SKI: variants seen among roughly 807,000 people sequenced by gnomAD.
SKI encodes the protein SKI proto-oncogene, also known as ski oncogene.
Under a neutral mutation model 59.3 loss-of-function variants are expected in SKI, and 23 were observed. The observed-to-expected ratio is 0.39, with a 90% confidence interval of 0.28 to 0.55. The LOEUF is 0.55. Among genes scored for constraint, SKI ranks in the 20% least tolerant of loss-of-function variants. The pLI, the probability that SKI is intolerant of heterozygous loss-of-function variation, is 0.67. For synonymous variants in SKI, 673 were observed against 488.6 expected (o/e 1.38, Z -4.98); for missense variants, 1,017 against 1,038.9 (o/e 0.98, Z 0.29).
intron 1 of SKI, among the ~76,000 whole-genome samples, chr1:2,252,687 G>A (rs898708026): frequency 2.6e-5 from 4 of 152,148 alleles, no homozygotes; most frequent in Non-Finnish European, 5.9e-5. Context: ...GTCCCCAAAC[G>A]CGTGGTATGG....
intron 1 of SKI, among the ~76,000 whole-genome samples, chr1:2,301,302 G>T (rs1640419019): frequency 6.6e-6 from 1 of 152,216 alleles, no homozygotes. Context: ...GCCACATAGA[G>T]GGGGTATTTT....
chr1:2,249,007 G>C (rs1557819201), intron 1 of SKI, among the ~76,000 whole-genome samples: 1 of 152,270 alleles, frequency 6.6e-6, no homozygotes, highest in Non-Finnish European at 1.5e-5. Context: ...AGCCAGCCTG[G>C]TGGTCAGCTG....
Position 2,267,461 on chromosome 1 carries a change from G to A in SKI, c.970-35517G>A, listed in dbSNP as rs1383678330. On this transcript the variant is annotated intron_variant, in intron 1 of 6. Coordinates refer to ENST00000378536, the MANE Select transcript of SKI (RefSeq NM_003036.4). The surrounding 1 kb of genome is among the most constrained non-coding windows in gnomAD (Gnocchi z 4.1). ...CCCACGTCCTCTCGTGTGCTGTCGG[G>A]AGACAAACCTCTTCCTGCTTCAATA... is the stretch of plus-strand genomic sequence containing the variant. Among the ~76,000 whole-genome samples the A allele has an allele frequency of 6.6e-6, 1 of 152,234 alleles. No individual in the cohort carries two copies. Among genetic ancestry groups the A allele is most frequent in the South Asian group, 2.1e-4 (1 of 4,838 alleles).
chr1:2,242,808 T>C (rs1337977232), intron 1 of SKI, among the ~76,000 whole-genome samples: 2 of 152,224 alleles, frequency 1.3e-5, no homozygotes, highest in Admixed American at 6.5e-5. Context: ...ACTCCTGGCC[T>C]GAAAGTATTT....
intron 1 of SKI, among the ~76,000 whole-genome samples, chr1:2,235,048 T>A (rs1214761239): frequency 8.0e-5 from 12 of 149,778 alleles, no homozygotes; most frequent in Non-Finnish European, 1.3e-4. Context: ...TGTTGTTATT[T>A]TTTTTTTTTT....
At chr1:2,287,338 ATT>A (rs56295904) in intron 1 of SKI, among the ~76,000 whole-genome samples, 1 of 140,084 alleles carries the variant, frequency 7.1e-6, no homozygotes, top group Non-Finnish European at 1.5e-5. Context: ...GAAATATCCA[ATT>A]TTTTTTTTTT....
At position 2,306,748 on chromosome 1, in the gene SKI, G is replaced by A. The variant is rs1199042052; in HGVS notation, c.2170G>A (p.Ala724Thr). ...RPEAAGSEGA[A>T]ELEP ...CGAGGCTGCGGGCAGCGAGGGCGCTGCGGAGCTGGAGCCGTAGATTCCGTG... is the reference window on the plus strand; with the variant it reads ...CGAGGCTGCGGGCAGCGAGGGCGCTACGGAGCTGGAGCCGTAGATTCCGTG... The change falls in exon 7 of 7, where the codon GCG becomes ACG. Residue 724 changes from alanine to threonine, a missense_variant. Physicochemically the swap from Ala to Thr is moderately conservative, Grantham distance 58. Transcript: ENST00000378536. 11 of 1,525,004 alleles carry A rather than the reference G, an allele frequency of 7.2e-6. No homozygotes were observed. In the Admixed American group the frequency reaches 2.2e-4, roughly 31 times the overall value. The allele number at this position is 1,525,004 out of a possible 1,614,324, so 94.5% of individuals were successfully genotyped here. A position where few individuals can be genotyped will look rare whatever the true frequency, so the allele number is the denominator to read the frequency against.
intron 1 of SKI, among the ~76,000 whole-genome samples, chr1:2,276,049 A>C (rs568051337): frequency 6.6e-6 from 1 of 152,192 alleles, no homozygotes; most frequent in Non-Finnish European, 1.5e-5. Context: ...TGCTCTTTCA[A>C]GCTGTTCTTT....
chr1:2,232,994 A>C (rs1425817520), intron 1 of SKI, among the ~76,000 whole-genome samples: 1 of 151,836 alleles, frequency 6.6e-6, no homozygotes, highest in African/African-American at 2.4e-5. Flanking sequence ...ACTCCATTGG[A>C]CTACATTTTT....
intron 1 of SKI, among the ~76,000 whole-genome samples, chr1:2,237,912 C>G (rs903764890): frequency 1.3e-5 from 2 of 152,234 alleles, no homozygotes; most frequent in Non-Finnish European, 2.9e-5. Context: ...CCATTTGACC[C>G]TATCCAGGAC....
intron 1 of SKI, among the ~76,000 whole-genome samples, chr1:2,261,236 C>T (rs1639381094): frequency 6.6e-6 from 1 of 152,302 alleles, no homozygotes; most frequent in East Asian, 1.9e-4. Context: ...TAACCCTGCA[C>T]TTTTTCAGAG....
At chr1:2,231,254 C>T (rs1638632035) in intron 1 of SKI, among the ~76,000 whole-genome samples, 4 of 152,094 alleles carry the variant, frequency 2.6e-5, no homozygotes, top group Non-Finnish European at 4.4e-5. Context: ...GTGCAGGCTG[C>T]GTAGTGGGTC....
At position 2,303,710 on chromosome 1, in the gene SKI, G is replaced by A. The variant is rs1640486210; in HGVS notation, c.1212-130G>A. 1.5e-6 allele frequency: 2 copies of A among 1,302,272 alleles called. No individual in the cohort carries two copies. The highest frequency in any genetic ancestry group is 2.1e-6 in the Non-Finnish European group (2 of 934,058). The allele number at this position is 1,302,272 out of a possible 1,614,324, so 80.7% of individuals were successfully genotyped here. A position where few individuals can be genotyped will look rare whatever the true frequency, so the allele number is the denominator to read the frequency against. On this transcript the variant is annotated intron_variant, in intron 3 of 6. Coordinates refer to ENST00000378536, the MANE Select transcript of SKI (RefSeq NM_003036.4). The surrounding 1 kb of genome is among the most constrained non-coding windows in gnomAD (Gnocchi z 5.6). ...CTTACGGGTTCTTAGGGAACTGTAA[G>A]CTTGACTTGAAGATTCGGAGCTGGG...
At chr1:2,284,299 G>A (rs1639984091) in intron 1 of SKI, among the ~76,000 whole-genome samples, 1 of 152,176 alleles carries the variant, frequency 6.6e-6, no homozygotes, top group South Asian at 2.1e-4. Context: ...GTCCTGGTAG[G>A]GTTGAGTTCC....
chr1:2,256,075 CA>C (rs1312058301), intron 1 of SKI, among the ~76,000 whole-genome samples: 1 of 151,452 alleles, frequency 6.6e-6, no homozygotes, highest in Non-Finnish European at 1.5e-5. Context: ...CTGTCAGGAG[CA>C]CTCTGTGTAC....
rs1297091418 is a variant in SKI, at chr1:2,228,994, G to A, written c.228G>A (p.Leu76=). 4 of 1,552,346 alleles carry A rather than the reference G, an allele frequency of 2.6e-6. No individual in the cohort carries two copies. Among genetic ancestry groups the A allele is most frequent in the Non-Finnish European group, 3.5e-6 (4 of 1,156,116 alleles). The part of the protein sequence containing the change: ...AATEPPPVLH[L]PAIQPPPPVL... The stretch of plus-strand genomic sequence containing the variant: ...CCGAGCCGCCGCCCGTGCTGCACCT[G>A]CCCGCCATCCAGCCGCCGCCGCCCG... Residue 76 remains leucine (L), a synonymous_variant, in exon 1 of 7, where the codon CTG becomes CTA. Transcript: ENST00000378536.
chr1:2,275,013 G>A (rs1378090697), intron 1 of SKI, among the ~76,000 whole-genome samples: 1 of 152,304 alleles, frequency 6.6e-6, no homozygotes, highest in East Asian at 1.9e-4. Flanking sequence ...GCAGGTGGAG[G>A]CTGGGCACCT....
intron 1 of SKI, among the ~76,000 whole-genome samples, chr1:2,299,091 C>T (rs1031040463): frequency 1.3e-5 from 2 of 152,246 alleles, no homozygotes; most frequent in South Asian, 4.1e-4. Context: ...AAGGCTGACT[C>T]AGACCCCAGT....
At chr1:2,249,078 C>A (rs1639061828) in intron 1 of SKI, among the ~76,000 whole-genome samples, 1 of 152,254 alleles carries the variant, frequency 6.6e-6, no homozygotes, top group African/African-American at 2.4e-5. Context: ...AGGCCAGTGG[C>A]AGATGCGGTC....
Sources: gnomAD v4.1 joint callset for allele counts (sites outside exome capture counted in the v4.1 genomes callset) on GRCh38, gnomAD v4.1.1 for gene constraint, Gnocchi (gnomAD v3.1) non-coding constraint, MANE v1.5 for transcripts, NCBI Gene and HGNC (gene_info 2026-07-23, HGNC 2026-07-21) for gene names.